ZNF423: variants seen among roughly 807,000 people sequenced by gnomAD.
ZNF423 encodes the protein Ebf-associated zinc finger protein.
Under a neutral mutation model 95.8 loss-of-function variants are expected in ZNF423, and 12 were observed. The observed-to-expected ratio is 0.13, with a 90% confidence interval of 0.08 to 0.20. The LOEUF (loss-of-function observed/expected upper bound fraction) is 0.20. Among genes scored for constraint, ZNF423 ranks in the 10% least tolerant of loss-of-function variants. ZNF423 has a pLI of 1.00. For missense variants in ZNF423, 1,316 were observed against 1,737.1 expected (o/e 0.76, Z 4.31); for synonymous variants, 749 against 711.9 (o/e 1.05, Z -0.83).
intron 2 of ZNF423, among the ~76,000 whole-genome samples, chr16:49,736,332 G>A (rs2033285432): frequency 6.6e-6 from 1 of 152,088 alleles, no homozygotes; most frequent in African/African-American, 2.4e-5. Context: ...GCCCTGTCCT[G>A]CCAGCTTCTT....
At position 49,638,940 on chromosome 16, in the gene ZNF423, C is replaced by A; in HGVS notation, c.302-66G>T. 6.6e-7 allele frequency: 1 copy of A among 1,521,656 alleles called. No individual in the cohort carries two copies. Among genetic ancestry groups the A allele is most frequent in the African/African-American group, 1.4e-5 (1 of 72,764 alleles). The allele number at this position is 1,521,656 out of a possible 1,614,324, so 94.3% of individuals were successfully genotyped here. A position where few individuals can be genotyped will look rare whatever the true frequency, so the allele number is the denominator to read the frequency against. ...GGGCTGCCGAGAAACAAGGACAGAG[C>A]CAGCTTCTCGACAGCACGCGGGCTG... is the stretch of plus-strand genomic sequence containing the variant. On this transcript the variant is annotated intron_variant, in intron 3 of 7. Transcript: ENST00000563137. The surrounding 1 kb of genome is among the most constrained non-coding windows in gnomAD (Gnocchi z 5.6).
intron 3 of ZNF423, among the ~76,000 whole-genome samples, chr16:49,706,725 T>C (rs944495498): frequency 6.6e-6 from 1 of 152,228 alleles, no homozygotes; most frequent in Admixed American, 6.5e-5. Context: ...CTTAGAGATC[T>C]AAACATCACC....
intron 2 of ZNF423, among the ~76,000 whole-genome samples, chr16:49,749,295 AG>A (rs1221484355): frequency 6.6e-6 from 1 of 152,182 alleles, no homozygotes; most frequent in East Asian, 1.9e-4. Flanking sequence ...CAAGCATCCC[AG>A]GTCCTGACCT....
rs185679127 is a variant in ZNF423 at position 49,535,540 on chromosome 16, G to A, written c.3602-10046C>T. Among the ~76,000 whole-genome samples, 6 of 152,294 alleles carry A rather than the reference G, an allele frequency of 3.9e-5. No homozygotes were observed. In the East Asian group the frequency reaches 1.2e-3, roughly 29 times the overall value. On this transcript the variant is annotated intron_variant, in intron 5 of 7. Coordinates refer to ENST00000563137, the MANE Select transcript of ZNF423 (RefSeq NM_001379286.1). ...AACTATCTCAGCTTCTTAATAGAAA[G>A]AGAATGGATGTCTGAGTGATGAAAT...
At chr16:49,852,519 C>T (rs1280813811) in intron 1 of ZNF423, among the ~76,000 whole-genome samples, 1 of 151,920 alleles carries the variant, frequency 6.6e-6, no homozygotes, top group African/African-American at 2.4e-5. Flanking sequence ...ATATCATCGG[C>T]CGAAATAACA....
intron 5 of ZNF423, among the ~76,000 whole-genome samples, chr16:49,596,362 G>A (rs369791419): frequency 1.3e-5 from 2 of 152,128 alleles, no homozygotes; most frequent in South Asian, 4.1e-4. Flanking sequence ...GGAGTAGATA[G>A]AGAAGGCAAG....
chr16:49,540,159 G>A (rs1482490412), intron 5 of ZNF423, among the ~76,000 whole-genome samples: 1 of 152,178 alleles, frequency 6.6e-6, no homozygotes, highest in Non-Finnish European at 1.5e-5. Flanking sequence ...CTCAGCTGGG[G>A]AATCTAGCTC....
At chr16:49,704,219 A>G (rs1306530123) in intron 3 of ZNF423, among the ~76,000 whole-genome samples, 1 of 152,052 alleles carries the variant, frequency 6.6e-6, no homozygotes, top group African/African-American at 2.4e-5. Context: ...TGAAAAGGAG[A>G]AGGGAAGAAT....
chr16:49,580,727 C>T (rs897894048), intron 5 of ZNF423, among the ~76,000 whole-genome samples: 28 of 152,162 alleles, frequency 1.8e-4, no homozygotes, highest in African/African-American at 6.5e-4. Flanking sequence ...TACAATGCCC[C>T]GAGAAGGCCC....
chr16:49,795,553 G>A (rs1003152408), intron 1 of ZNF423, among the ~76,000 whole-genome samples: 10 of 152,170 alleles, frequency 6.6e-5, no homozygotes, highest in African/African-American at 2.2e-4. Context: ...ATCCTTCCCA[G>A]GGCTGAGTGT....
At chr16:49,851,778 GT>G (rs1353022231) in intron 1 of ZNF423, among the ~76,000 whole-genome samples, 3 of 152,212 alleles carry the variant, frequency 2.0e-5, no homozygotes, top group African/African-American at 4.8e-5. Flanking sequence ...TGCTTATTAA[GT>G]TTTTGCAAGG....
chr16:49,494,457 A>G (rs907547570), intron 7 of ZNF423, among the ~76,000 whole-genome samples: 1 of 152,218 alleles, frequency 6.6e-6, no homozygotes, highest in Non-Finnish European at 1.5e-5. Context: ...GCACTGGCAC[A>G]GTGAGGGGGA....
chr16:49,721,937 A>G (rs1226950250), intron 3 of ZNF423, among the ~76,000 whole-genome samples: 1 of 152,190 alleles, frequency 6.6e-6, no homozygotes, highest in African/African-American at 2.4e-5. Flanking sequence ...GGAGGTTTAC[A>G]GGCCCAACAG....
Position 49,547,026 on chromosome 16 carries a change from AC to A in ZNF423, c.3602-21533del, listed in dbSNP as rs1349035799. Among the ~76,000 whole-genome samples, 305 of 150,774 alleles carry A rather than the reference AC, an allele frequency of 2.0e-3. 4 individuals carry two copies. The highest frequency in any genetic ancestry group is 6.9e-3 in the African/African-American group (282 of 41,136). ...ACTCTTTCCAGAAAAAAAAAAAAAA[AC>A]AATCAGCCAGCTTTCCCACACTTCC... On this transcript the variant is annotated intron_variant, in intron 5 of 7. Coordinates refer to ENST00000563137, the MANE Select transcript of ZNF423 (RefSeq NM_001379286.1).
At chr16:49,629,775 C>A (rs754487718) in intron 4 of ZNF423, among the ~76,000 whole-genome samples, 4 of 152,216 alleles carry the variant, frequency 2.6e-5, no homozygotes, top group Non-Finnish European at 4.4e-5. Context: ...ATAACATATG[C>A]AGAGGAGTCT....
intron 5 of ZNF423, among the ~76,000 whole-genome samples, chr16:49,555,050 T>C (rs1333052255): frequency 6.6e-6 from 1 of 152,184 alleles, no homozygotes; most frequent in Non-Finnish European, 1.5e-5. Flanking sequence ...CATTTTCTTC[T>C]GTATTTCATG....
chr16:49,510,132 A>G (rs1390683418), intron 7 of ZNF423, among the ~76,000 whole-genome samples: 1 of 152,000 alleles, frequency 6.6e-6, no homozygotes, highest in Admixed American at 6.5e-5. Context: ...ATCCACATCA[A>G]CTCTGCCAAT....
chr16:49,591,357 C>T (rs1971005450), intron 5 of ZNF423, among the ~76,000 whole-genome samples: 1 of 152,152 alleles, frequency 6.6e-6, no homozygotes, highest in African/African-American at 2.4e-5. Flanking sequence ...ATTATAACCC[C>T]ACTGGAAACC....
intron 2 of ZNF423, among the ~76,000 whole-genome samples, chr16:49,759,570 C>G (rs542580495): frequency 4.1e-4 from 63 of 152,324 alleles, no homozygotes; most frequent in Middle Eastern, 3.4e-3. Context: ...AGGAGCAGCA[C>G]ATACTCATGA....
Sources: allele counts gnomAD v4.1 joint callset (sites outside exome capture counted in the v4.1 genomes callset), GRCh38; gene constraint gnomAD v4.1.1; non-coding constraint Gnocchi (gnomAD v3.1); transcripts MANE v1.5; gene names NCBI Gene and HGNC (gene_info 2026-07-23, HGNC 2026-07-21).